GON4L: variants seen among roughly 807,000 people sequenced by gnomAD.
The protein encoded by GON4L is GON-4-like protein.
Under a neutral mutation model 211.8 loss-of-function variants are expected in GON4L, and 87 were observed. The ratio of observed to expected loss-of-function variants is 0.41; its 90% CI spans 0.35 to 0.49. The LOEUF is 0.49. Among genes scored for constraint, GON4L ranks in the 20% least tolerant of loss-of-function variants. The pLI is 0.15. For synonymous variants in GON4L, 875 were observed against 962.6 expected (o/e 0.91, Z 1.68); for missense variants, 2,155 against 2,659.5 (o/e 0.81, Z 4.17).
rs200310087 is a variant in GON4L, at chr1:155,753,208, A to G, written c.5838T>C (p.Val1946=). 1.7e-5 allele frequency: 27 copies of G among 1,601,720 alleles called. No homozygotes were observed. In the African/African-American group the frequency reaches 2.4e-4, roughly 15 times the overall value. Residue 1946 remains valine, a synonymous_variant, in exon 29 of 32, where the codon GTT becomes GTC. Transcript: ENST00000368331. ...VRTTRKGEMP[V]SAGLAVGSTL... ...CTGCGTTGGCAAATCACTCACCTGA[A>G]ACAGGCATCTCTCCCTTTCTGGTGG...
intron 3 of GON4L, among the ~76,000 whole-genome samples, chr1:155,823,931 T>C (rs1222271734): frequency 2.6e-5 from 4 of 151,998 alleles, no homozygotes; most frequent in Non-Finnish European, 4.4e-5. Context: ...AATAAAGAAG[T>C]CTTTAGTCAT....
At chr1:155,780,257 T>C (rs1474899623) in intron 14 of GON4L, among the ~76,000 whole-genome samples, 2 of 152,096 alleles carry the variant, frequency 1.3e-5, no homozygotes, top group Non-Finnish European at 2.9e-5. Context: ...TTTGACTTGT[T>C]AAGAAAGCAA....
rs532952211 is a variant in GON4L at position 155,775,049 on chromosome 1, G to A, written c.2303C>T (p.Thr768Ile). 1.9e-5 allele frequency: 30 copies of A among 1,612,946 alleles called. No homozygotes were observed. The highest frequency in any genetic ancestry group is 2.0e-5 in the Non-Finnish European group (23 of 1,179,002). The change falls in exon 17 of 32, where the codon ACA becomes ATA. Residue 768 changes from threonine (T) to isoleucine (I), a missense_variant. Around this residue, in one of 6 missense-constraint regions of GON4L, gnomAD observed 551 missense variants for 854.0 expected, o/e 0.65. Transcript: ENST00000368331. ...AGGGCTGCAGTCAATGCTGACATGTGTGCTGAAGTCTTCAATCAGCTGCAT... is the reference window on the plus strand; with the variant it reads ...AGGGCTGCAGTCAATGCTGACATGTATGCTGAAGTCTTCAATCAGCTGCAT... ...GAMQLIEDFSTHVSIDCSPHK... is the reference protein window; with the variant it reads ...GAMQLIEDFSIHVSIDCSPHK...
intron 14 of GON4L, among the ~76,000 whole-genome samples, chr1:155,782,664 A>ATTTAT (rs199513143): frequency 1.3e-5 from 2 of 151,882 alleles, no homozygotes. Context: ...TACAAATTTT[A>ATTTAT]TTTATTTTAT....
intron 18 of GON4L, among the ~76,000 whole-genome samples, chr1:155,772,479 G>A (rs1663294492): frequency 6.6e-6 from 1 of 151,816 alleles, no homozygotes; most frequent in Admixed American, 6.6e-5. Flanking sequence ...TCTGGTGGGT[G>A]TGGTGGCTCA....
chr1:155,843,026 G>A (rs1195808780), intron 2 of GON4L, among the ~76,000 whole-genome samples: 1 of 151,376 alleles, frequency 6.6e-6, no homozygotes, highest in African/African-American at 2.4e-5. Flanking sequence ...ACAGGCACAA[G>A]AGGAGGACAC....
intron 2 of GON4L, among the ~76,000 whole-genome samples, chr1:155,828,765 G>A (rs1007936037): frequency 2.1e-5 from 3 of 140,052 alleles, no homozygotes; most frequent in East Asian, 4.5e-4. Flanking sequence ...CCGAGATCGC[G>A]CCACTGAACT....
At chr1:155,750,933 T>C (rs1660512097) in intron 31 of GON4L, among the ~76,000 whole-genome samples, 200 bp from the exon 32 acceptor site, 1 of 152,020 alleles carries the variant, frequency 6.6e-6, no homozygotes, top group Admixed American at 6.6e-5. Context: ...CTGACTAGTT[T>C]TTATATTTTT....
intron 1 of GON4L, among the ~76,000 whole-genome samples, chr1:155,855,482 A>C (rs552071504): frequency 1.3e-5 from 2 of 152,000 alleles, no homozygotes; most frequent in East Asian, 3.9e-4. Flanking sequence ...TCAGCCTCCC[A>C]AGTCATTGGG....
At position 155,820,598 on chromosome 1, in the gene GON4L, A is replaced by G; in HGVS notation, c.1014+8T>C. The G allele has an allele frequency of 6.3e-7, 1 of 1,599,132 alleles. No homozygotes were observed. The highest frequency in any genetic ancestry group is 1.1e-5 in the South Asian group (1 of 90,782). Reference sequence around the variant, plus strand: ...AAAAAACCAACAACAAAAAAACAGAATACTTACCACTCCTTTTTCCACTAC... The same window carrying G: ...AAAAAACCAACAACAAAAAAACAGAGTACTTACCACTCCTTTTTCCACTAC... On this transcript the variant is annotated splice_region_variant and intron_variant, in intron 6 of 31. Transcript: ENST00000368331.
intron 11 of GON4L, among the ~76,000 whole-genome samples, chr1:155,802,379 T>C (rs1238362926): frequency 6.6e-6 from 1 of 152,080 alleles, no homozygotes. Flanking sequence ...AAGCATATAT[T>C]ACTCTTACAG....
intron 10 of GON4L, among the ~76,000 whole-genome samples, chr1:155,812,202 C>T (rs1460191186): frequency 2.6e-5 from 4 of 152,108 alleles, no homozygotes; most frequent in Non-Finnish European, 4.4e-5. Flanking sequence ...ACAGGGATCA[C>T]GTGCCTTCTG....
At chr1:155,745,849 G>A (rs776223272), downstream of GON4L, 6 of 758,790 alleles carry the variant, frequency 7.9e-6, no homozygotes, top group South Asian at 5.2e-5. Context: ...GGGCCCGGGA[G>A]GTGCTCACAC....
chr1:155,760,994 C>G (rs1414714844), intron 23 of GON4L, among the ~76,000 whole-genome samples: 1 of 151,972 alleles, frequency 6.6e-6, no homozygotes, highest in East Asian at 1.9e-4. Context: ...TCAGCATGGG[C>G]GTAATTTGAG....
chr1:155,812,131 T>C (rs1157795934), intron 10 of GON4L, among the ~76,000 whole-genome samples: 1 of 151,954 alleles, frequency 6.6e-6, no homozygotes, highest in Non-Finnish European at 1.5e-5. Context: ...TGGAAAATAA[T>C]AACTTTACAA....
chr1:155,748,950 A>G (rs1398667495), downstream of GON4L, among the ~76,000 whole-genome samples: 1 of 152,204 alleles, frequency 6.6e-6, no homozygotes, highest in African/African-American at 2.4e-5. Context: ...GCCTGATAAC[A>G]TAAAAATTCT....
intron 10 of GON4L, among the ~76,000 whole-genome samples, chr1:155,805,660 TA>T: frequency 6.6e-6 from 1 of 152,210 alleles, no homozygotes; most frequent in African/African-American, 2.4e-5. Context: ...ATAATGCATT[TA>T]AATCCCACCC....
chr1:155,765,710 A>G lies in GON4L; in HGVS notation c.3763T>C (p.Ser1255Pro). ...GGGAAAACAGTAGCAGAGAGAGGAG[A>G]TAGTTCCTGGGGCTCTAATTTGGGT... is the stretch of plus-strand genomic sequence containing the variant. ...LEPKLEPQEL[S>P]PLSATVFPKV... Residue 1255 changes from serine (S) to proline (P), a missense_variant, in exon 21 of 32, where the codon TCT becomes CCT. Around this residue, in one of 6 missense-constraint regions of GON4L, gnomAD observed 615 missense variants for 625.7 expected, o/e 0.98. Transcript: ENST00000368331. The G allele has an allele frequency of 6.2e-7, 1 of 1,614,166 alleles. No homozygotes were observed. Among genetic ancestry groups the G allele is most frequent in the South Asian group, 1.1e-5 (1 of 91,074 alleles).
chr1:155,827,994 T>C (rs1669377279), intron 2 of GON4L, among the ~76,000 whole-genome samples: 1 of 151,826 alleles, frequency 6.6e-6, no homozygotes, highest in African/African-American at 2.4e-5. Context: ...TCTACAAAAA[T>C]ATAGAGCTCT....
Sources: allele counts gnomAD v4.1 joint callset (sites outside exome capture counted in the v4.1 genomes callset), GRCh38; gene constraint gnomAD v4.1.1; regional missense constraint gnomAD v4.1.1; transcripts MANE v1.5; gene names NCBI Gene and HGNC (gene_info 2026-07-23, HGNC 2026-07-21).